The following LRRN1 variants were observed in gnomAD, a reference collection of about 807,000 sequenced individuals.
LRRN1 encodes leucine-rich repeat neuronal protein 1.
A neutral mutation model predicts 45.8 loss-of-function variants in LRRN1; 14 were observed. That is an observed-to-expected ratio of 0.31 (90% CI 0.20 to 0.48). The LOEUF is 0.48. LRRN1 is among the 20% of genes least tolerant of loss of function. LRRN1 has a pLI of 0.99. For missense variants in LRRN1, 789 were observed against 874.2 expected, an observed-to-expected ratio of 0.90 and a Z score of 1.23; for synonymous variants, 359 against 330.1, an observed-to-expected ratio of 1.09 and a Z score of -0.95.
chr3:3,843,462 T>C (rs1353662559), intron 1 of LRRN1, among the ~76,000 whole-genome samples: 1 of 152,204 alleles, frequency 6.6e-6, no homozygotes, highest in African/African-American at 2.4e-5. Context: ...TAAATAACTG[T>C]GAATATTTAG....
chr3:3,802,119 T>C (rs1219826232), intron 1 of LRRN1, among the ~76,000 whole-genome samples: 1 of 152,186 alleles, frequency 6.6e-6, no homozygotes, highest in Non-Finnish European at 1.5e-5. Flanking sequence ...GTCCCAACCC[T>C]AGTTACCCGA....
chr3:3,819,746 G>A (rs1200223749), intron 1 of LRRN1, among the ~76,000 whole-genome samples: 3 of 152,146 alleles, frequency 2.0e-5, no homozygotes, highest in South Asian at 4.2e-4. Context: ...TGAGGTCCTT[G>A]GGATTGGGAC....
chr3:3,820,786 A>G (rs1451967671), intron 1 of LRRN1, among the ~76,000 whole-genome samples: 1 of 152,200 alleles, frequency 6.6e-6, no homozygotes, highest in East Asian at 1.9e-4. Context: ...TCACTGTGTT[A>G]AGTGCAGTAC....
intron 1 of LRRN1, among the ~76,000 whole-genome samples, chr3:3,808,079 C>G (rs1230313214): frequency 2.0e-5 from 3 of 152,172 alleles, no homozygotes; most frequent in African/African-American, 7.2e-5. Context: ...AATTGGAGTC[C>G]TGGTGAACAA....
intron 1 of LRRN1, among the ~76,000 whole-genome samples, chr3:3,839,594 A>C (rs910521174): frequency 6.6e-6 from 1 of 152,100 alleles, no homozygotes; most frequent in Non-Finnish European, 1.5e-5. Context: ...GACAATATTA[A>C]ATTTTCCAGT....
At chr3:3,822,422 G>C (rs774679722) in intron 1 of LRRN1, among the ~76,000 whole-genome samples, 3 of 152,148 alleles carry the variant, frequency 2.0e-5, no homozygotes, top group Non-Finnish European at 4.4e-5. Flanking sequence ...AATTCCTGTA[G>C]CTTACTATTT....
At chr3:3,830,421 C>T (rs1231067504) in intron 1 of LRRN1, among the ~76,000 whole-genome samples, 6 of 152,256 alleles carry the variant, frequency 3.9e-5, no homozygotes, top group Non-Finnish European at 8.8e-5. Context: ...ACCAGGTGCA[C>T]TGCTTGAAGC....
chr3:3,827,645 A>C, intron 1 of LRRN1: 1 of 382,940 alleles, frequency 2.6e-6, no homozygotes, highest in South Asian at 1.9e-5. Context: ...AAAAGCTAAA[A>C]GAATGATGTT....
intron 1 of LRRN1, among the ~76,000 whole-genome samples, 154 bp downstream of exon 1, chr3:3,800,073 A>G (rs766344621): frequency 8.2e-5 from 12 of 145,638 alleles, no homozygotes; most frequent in Admixed American, 1.4e-4. Context: ...CGGCTCACGG[A>G]GCTGGGGAAA....
At chr3:3,818,978 A>C (rs9833660) in intron 1 of LRRN1, among the ~76,000 whole-genome samples, 1 of 151,974 alleles carries the variant, frequency 6.6e-6, no homozygotes, top group Non-Finnish European at 1.5e-5. Context: ...GTTAATACAC[A>C]TATTAATTAA....
intron 1 of LRRN1, among the ~76,000 whole-genome samples, chr3:3,831,226 A>G (rs1437939732): frequency 6.6e-6 from 1 of 152,218 alleles, no homozygotes; most frequent in East Asian, 1.9e-4. Flanking sequence ...TAGGCCCACT[A>G]GGCATTCTGC....
intron 1 of LRRN1, among the ~76,000 whole-genome samples, chr3:3,802,605 T>A (rs11919614): frequency 0.16 from 24,336 of 152,116 alleles, 2,872 homozygotes; most frequent in African/African-American, 0.31. Context: ...CATAAGGCAA[T>A]ATTTTCACAG....
chr3:3,836,899 A>G (rs1033581692), intron 1 of LRRN1, among the ~76,000 whole-genome samples: 1 of 152,118 alleles, frequency 6.6e-6, no homozygotes, highest in African/African-American at 2.4e-5. Flanking sequence ...AGAGGGGAAG[A>G]TAGGATGGTA....
At chr3:3,813,948 T>G (rs541870362) in intron 1 of LRRN1, among the ~76,000 whole-genome samples, 2 of 152,188 alleles carry the variant, frequency 1.3e-5, no homozygotes, top group South Asian at 4.1e-4. Flanking sequence ...TATCTTGTTT[T>G]GAGAACTGCT....
chr3:3,826,051 G>A (rs1693208344), intron 1 of LRRN1, among the ~76,000 whole-genome samples: 1 of 152,114 alleles, frequency 6.6e-6, no homozygotes, highest in African/African-American at 2.4e-5. Flanking sequence ...TTGCCTTTTG[G>A]AATTCATGCA....
intron 1 of LRRN1, among the ~76,000 whole-genome samples, chr3:3,824,298 G>T (rs116447735): frequency 0.013 from 2,034 of 152,200 alleles, 44 homozygotes; most frequent in African/African-American, 0.047. Flanking sequence ...TTCCTATCTT[G>T]AATGTCCAAC....
chr3:3,842,062 C>A (rs1025725917), intron 1 of LRRN1, among the ~76,000 whole-genome samples: 1 of 152,078 alleles, frequency 6.6e-6, no homozygotes, highest in African/African-American at 2.4e-5. Context: ...AGGCTGCAAA[C>A]CTGTATAGCA....
At position 3,837,366 on chromosome 3, in the gene LRRN1, CAAG is replaced by C. The variant is rs532744480; in HGVS notation, c.-278-6996_-278-6994del. Among the ~76,000 whole-genome samples the C allele has an allele frequency of 4.8e-3, 734 of 152,070 alleles. 7 individuals carry two copies. The highest frequency in any genetic ancestry group is 0.017 in the African/African-American group (706 of 41,460). On this transcript the variant is annotated intron_variant, in intron 1 of 1. Coordinates refer to ENST00000319331, the MANE Select transcript of LRRN1 (RefSeq NM_020873.7). ...CATTTTATAACCCCACACCAAGTGT[CAAG>C]AGCTTTAAGGACCACAACCAACCCC...
chr3:3,830,737 C>T (rs941956949), intron 1 of LRRN1, among the ~76,000 whole-genome samples: 1 of 152,172 alleles, frequency 6.6e-6, no homozygotes, highest in African/African-American at 2.4e-5. Context: ...GTATATACCA[C>T]TTCCATTTGA....
Sources: gnomAD v4.1 joint callset for allele counts (sites outside exome capture counted in the v4.1 genomes callset) on GRCh38, gnomAD v4.1.1 for gene constraint, MANE v1.5 for transcripts, NCBI Gene and HGNC (gene_info 2026-07-23, HGNC 2026-07-21) for gene names.